The following VGLL4 variants were observed in gnomAD, a reference collection of about 807,000 sequenced individuals.
VGLL4 encodes the protein transcription cofactor vestigial-like protein 4.
Under a neutral mutation model 21.0 loss-of-function variants are expected in VGLL4, and 7 were observed. The ratio of observed to expected loss-of-function variants is 0.33; its 90% CI spans 0.19 to 0.63. The LOEUF (loss-of-function observed/expected upper bound fraction) is 0.63, where lower values mean the gene tolerates loss of function less well. Among genes scored for constraint, VGLL4 ranks in the 20% least tolerant of loss-of-function variants. VGLL4 has a pLI of 0.78. For missense variants in VGLL4, 394 were observed against 425.7 expected (o/e 0.93, Z 0.66); for synonymous variants, 222 against 173.2 (o/e 1.28, Z -2.21).
At chr3:11,583,806 TC>T (rs1194479450) in intron 2 of VGLL4, among the ~76,000 whole-genome samples, 2 of 152,042 alleles carry the variant, frequency 1.3e-5, no homozygotes, top group Non-Finnish European at 2.9e-5. Context: ...CTAGTTAAGT[TC>T]CTCTCTACCC....
At chr3:11,704,632 G>GA (rs923101401) in intron 1 of VGLL4, among the ~76,000 whole-genome samples, 10 of 151,892 alleles carry the variant, frequency 6.6e-5, no homozygotes, top group African/African-American at 2.4e-4. Context: ...TATTTTGTAA[G>GA]AAAAAAACGT....
intron 1 of VGLL4, among the ~76,000 whole-genome samples, chr3:11,639,600 C>T (rs1254047283): frequency 1.3e-5 from 2 of 152,210 alleles, no homozygotes; most frequent in Admixed American, 6.5e-5. Context: ...AAGCCCGGCG[C>T]GGTGGCTCAC....
intron 1 of VGLL4, among the ~76,000 whole-genome samples, chr3:11,613,342 T>C (rs760322230): frequency 4.6e-5 from 7 of 151,976 alleles, no homozygotes; most frequent in Non-Finnish European, 4.4e-5. Flanking sequence ...CCTGAGATGG[T>C]TGAGTCCTGG....
chr3:11,580,824 C>T (rs925667558), intron 2 of VGLL4, among the ~76,000 whole-genome samples: 1 of 152,218 alleles, frequency 6.6e-6, no homozygotes, highest in East Asian at 1.9e-4. Context: ...CTTGGGCACA[C>T]AAGGGGCCCA....
chr3:11,572,891 G>A (rs1005255996), intron 2 of VGLL4, among the ~76,000 whole-genome samples: 1 of 152,148 alleles, frequency 6.6e-6, no homozygotes, highest in Admixed American at 6.5e-5. Flanking sequence ...CCGTAGGCCA[G>A]GCGCAGTGGC....
At chr3:11,576,233 C>T (rs984078270) in intron 2 of VGLL4, among the ~76,000 whole-genome samples, 1 of 152,204 alleles carries the variant, frequency 6.6e-6, no homozygotes, top group African/African-American at 2.4e-5. Flanking sequence ...TCAGATGGGG[C>T]AGGAATCCAT....
chr3:11,615,521 G>T (rs1383221726), intron 1 of VGLL4, among the ~76,000 whole-genome samples: 1 of 152,212 alleles, frequency 6.6e-6, no homozygotes, highest in Non-Finnish European at 1.5e-5. Flanking sequence ...CATCACTGGG[G>T]AAGCAGAGCC....
intron 1 of VGLL4, 126 bp downstream of exon 1, chr3:11,643,311 G>A (rs2075731651): frequency 7.1e-7 from 1 of 1,416,622 alleles, no homozygotes; most frequent in Non-Finnish European, 9.6e-7. Context: ...CCTAAGAAAC[G>A]CCGGCCTTTC....
chr3:11,672,246 T>A (rs1178690603), intron 2 of VGLL4, among the ~76,000 whole-genome samples: 1 of 152,236 alleles, frequency 6.6e-6, no homozygotes, highest in Non-Finnish European at 1.5e-5. Flanking sequence ...GGAATTTAAG[T>A]ACGGAAGGTC....
At chr3:11,644,365 A>T (rs377589172), upstream of VGLL4, among the ~76,000 whole-genome samples, 3 of 152,242 alleles carry the variant, frequency 2.0e-5, no homozygotes, top group African/African-American at 7.2e-5. Flanking sequence ...GGATATTTAA[A>T]TTTCTGATGT....
At chr3:11,561,776 C>T (rs1447272325) in intron 3 of VGLL4, among the ~76,000 whole-genome samples, 1 of 152,118 alleles carries the variant, frequency 6.6e-6, no homozygotes, top group Non-Finnish European at 1.5e-5. Flanking sequence ...TCACTAACCC[C>T]TTCACCCGCT....
At chr3:11,587,775 C>T (rs2074393162) in intron 2 of VGLL4, among the ~76,000 whole-genome samples, 1 of 152,164 alleles carries the variant, frequency 6.6e-6, no homozygotes, top group Admixed American at 6.5e-5. Context: ...TATGTTCACA[C>T]TTGGACTGGA....
At chr3:11,683,044 T>C (rs1403068059) in intron 2 of VGLL4, among the ~76,000 whole-genome samples, 2 of 152,018 alleles carry the variant, frequency 1.3e-5, no homozygotes, top group Non-Finnish European at 2.9e-5. Context: ...ATGGCCAACA[T>C]GGTGAAATGC....
chr3:11,572,125 ATC>A (rs2073800336), intron 2 of VGLL4, among the ~76,000 whole-genome samples: 1 of 152,088 alleles, frequency 6.6e-6, no homozygotes. Flanking sequence ...AAGTTGGGGA[ATC>A]TCTGAGTAAG....
At chr3:11,619,209 C>G (rs1007351262) in intron 1 of VGLL4, among the ~76,000 whole-genome samples, 7 of 152,216 alleles carry the variant, frequency 4.6e-5, no homozygotes, top group African/African-American at 1.7e-4. Context: ...GAGCTGACAG[C>G]AAGCGATCAG....
chr3:11,584,496 A>G (rs763883849), intron 2 of VGLL4, among the ~76,000 whole-genome samples: 9 of 152,156 alleles, frequency 5.9e-5, no homozygotes, highest in Non-Finnish European at 1.3e-4. Context: ...TCAGTAAACC[A>G]TATAGAGTGA....
intron 2 of VGLL4, among the ~76,000 whole-genome samples, chr3:11,665,985 T>C (rs1030373492): frequency 6.6e-6 from 1 of 152,128 alleles, no homozygotes; most frequent in Admixed American, 6.5e-5. Flanking sequence ...GCGCGGTGGC[T>C]CACGCCTGTA....
At chr3:11,655,270 C>CT (rs1384758897) in intron 2 of VGLL4, among the ~76,000 whole-genome samples, 1 of 152,194 alleles carries the variant, frequency 6.6e-6, no homozygotes, top group African/African-American at 2.4e-5. Flanking sequence ...CTCCCCTCCC[C>CT]TTAGGGGTCA....
At chr3:11,671,514 T>C (rs2125368420) in intron 2 of VGLL4, 5 of 631,190 alleles carry the variant, frequency 7.9e-6, no homozygotes, top group Middle Eastern at 3.3e-4. Flanking sequence ...AGTTTCGCAG[T>C]CTGCCCTGCA....
Sources: allele counts gnomAD v4.1 joint callset (sites outside exome capture counted in the v4.1 genomes callset), GRCh38; gene constraint gnomAD v4.1.1; transcripts MANE v1.5; gene names NCBI Gene and HGNC (gene_info 2026-07-23, HGNC 2026-07-21).